MAGI1: variants seen among roughly 807,000 people sequenced by gnomAD.
MAGI1 encodes membrane-associated guanylate kinase, WW and PDZ domain-containing protein 1.
MAGI1 carries 58 observed loss-of-function variants against 139.9 expected under a neutral mutation model. That is an observed-to-expected ratio of 0.41 (90% confidence interval 0.34 to 0.52). The LOEUF (loss-of-function observed/expected upper bound fraction) is 0.52. Ranked by LOEUF, MAGI1 falls within the 20% of genes least tolerant of loss-of-function variation. The pLI, the probability that MAGI1 is intolerant of heterozygous loss-of-function variation, is 0.12. For synonymous variants in MAGI1, 812 were observed against 737.9 expected (o/e 1.10, Z -1.63); for missense variants, 1,874 against 1,901.6 (o/e 0.99, Z 0.27).
chr3:65,824,985 A>T (rs1461024494), intron 1 of MAGI1, among the ~76,000 whole-genome samples: 2 of 152,214 alleles, frequency 1.3e-5, no homozygotes, highest in African/African-American at 4.8e-5. Flanking sequence ...GCCCCCAATG[A>T]GCAAACACAC....
intron 15 of MAGI1, among the ~76,000 whole-genome samples, chr3:65,383,111 C>A (rs188369639): frequency 4.8e-4 from 73 of 152,278 alleles, no homozygotes; most frequent in African/African-American, 1.7e-3. Flanking sequence ...ATTCTCCAAT[C>A]ACTGTCTCAT....
intron 14 of MAGI1, 42 bp from the exon 15 acceptor site, chr3:65,383,665 T>C: frequency 8.4e-7 from 1 of 1,196,326 alleles, no homozygotes; most frequent in Non-Finnish European, 1.3e-6. Flanking sequence ...ATTTTACTGA[T>C]AAAAGCAATG....
chr3:65,707,872 T>C (rs2030651660), intron 1 of MAGI1, among the ~76,000 whole-genome samples: 2 of 152,066 alleles, frequency 1.3e-5, no homozygotes, highest in Admixed American at 6.5e-5. Context: ...GCCAATAAAA[T>C]TAGGAGGTCG....
chr3:65,378,479 T>C (rs950986049), intron 17 of MAGI1, among the ~76,000 whole-genome samples: 2 of 152,154 alleles, frequency 1.3e-5, no homozygotes, highest in Non-Finnish European at 2.9e-5. Context: ...TTTTACTCCT[T>C]ACACCTCTGT....
chr3:65,936,901 A>AGTTGTT (rs149793328), intron 1 of MAGI1, among the ~76,000 whole-genome samples: 1 of 128,886 alleles, frequency 7.8e-6, no homozygotes, highest in Non-Finnish European at 1.7e-5. Context: ...TCAGGTTCAA[A>AGTTGTT]GTTGTTGTTG....
intron 1 of MAGI1, among the ~76,000 whole-genome samples, chr3:65,646,904 A>C (rs1207514319): frequency 1.3e-5 from 2 of 152,138 alleles, no homozygotes; most frequent in African/African-American, 2.4e-5. Context: ...TGCTAAAGGG[A>C]AAATTTACAG....
At position 65,898,464 on chromosome 3, in the gene MAGI1, G is replaced by A. The variant is rs192083669; in HGVS notation, c.313+139532C>T. Among the ~76,000 whole-genome samples, 7 of 152,170 alleles carry A rather than the reference G, an allele frequency of 4.6e-5. No individual in the cohort carries two copies. The East Asian group carries it at 7.7e-4, about 17-fold the overall frequency. On this transcript the variant is annotated intron_variant, in intron 1 of 22. Coordinates refer to ENST00000402939, the MANE Select transcript of MAGI1 (RefSeq NM_001033057.2). ...TTCATTTGTATGTGTACATATGTAC[G>A]TGTAAAAAAATTATATACACAAATA...
intron 2 of MAGI1, among the ~76,000 whole-genome samples, chr3:65,530,623 T>TGTGGTGTGTGTGTGTG (rs1559641865): frequency 2.0e-4 from 8 of 39,712 alleles, no homozygotes; most frequent in African/African-American, 7.5e-4. Context: ...TATGTGTGTG[T>TGTGGTGTGTGTGTGTG]GGTGTGTGTG....
intron 1 of MAGI1, among the ~76,000 whole-genome samples, chr3:65,852,339 G>C (rs2059233339): frequency 6.6e-6 from 1 of 151,962 alleles, no homozygotes; most frequent in Non-Finnish European, 1.5e-5. Context: ...GAAGAGGAGG[G>C]TAGTGAGCAA....
chr3:65,810,884 A>G (rs1337357448), intron 1 of MAGI1, among the ~76,000 whole-genome samples: 4 of 152,304 alleles, frequency 2.6e-5, no homozygotes, highest in Middle Eastern at 3.4e-3. Context: ...ATGAGATTAC[A>G]TATTTCAGGA....
intron 2 of MAGI1, among the ~76,000 whole-genome samples, chr3:65,552,623 CTTT>C (rs1289669114): frequency 6.6e-6 from 1 of 152,120 alleles, no homozygotes; most frequent in Non-Finnish European, 1.5e-5. Flanking sequence ...TGTCACCATT[CTTT>C]TGTCTGTCTC....
At chr3:65,577,427 T>C (rs759592646) in intron 2 of MAGI1, among the ~76,000 whole-genome samples, 141 of 152,116 alleles carry the variant, frequency 9.3e-4, no homozygotes, top group Non-Finnish European at 1.7e-3. Context: ...ACGGCTCCTA[T>C]CTTCACTTAA....
chr3:65,736,933 A>G (rs1445582871), intron 1 of MAGI1, among the ~76,000 whole-genome samples: 2 of 152,228 alleles, frequency 1.3e-5, no homozygotes, highest in African/African-American at 4.8e-5. Context: ...CTTCATTCCT[A>G]GAATACCACA....
rs115549111 is a variant in MAGI1, at chr3:65,689,322, G to C, written c.314-67234C>G. On this transcript the variant is annotated intron_variant, in intron 1 of 22. Coordinates refer to ENST00000402939, the MANE Select transcript of MAGI1 (RefSeq NM_001033057.2). ...GATTTTCCCAGGATACAATAAAACAGACCTGAGTTCCATGTTCCTAACTGC... is the reference window on the plus strand; with the variant it reads ...GATTTTCCCAGGATACAATAAAACACACCTGAGTTCCATGTTCCTAACTGC... 5.9e-3 allele frequency among the ~76,000 whole-genome samples: 902 copies of C among 152,284 alleles called. 5 individuals are homozygous for C. Among genetic ancestry groups the C allele is most frequent in the African/African-American group, 0.02 (843 of 41,566 alleles).
intron 2 of MAGI1, among the ~76,000 whole-genome samples, chr3:65,569,396 C>G (rs1348765698): frequency 6.6e-6 from 1 of 152,038 alleles, no homozygotes; most frequent in African/African-American, 2.4e-5. Context: ...TTTAATGTGA[C>G]TGAAATATGC....
At chr3:65,370,279 A>T (rs1013303900) in intron 18 of MAGI1, among the ~76,000 whole-genome samples, 2 of 152,146 alleles carry the variant, frequency 1.3e-5, no homozygotes, top group African/African-American at 4.8e-5. Context: ...AAAAAAAAAA[A>T]TTGAGCATCA....
intron 1 of MAGI1, chr3:65,874,113 C>T (rs967004268): frequency 6.6e-6 from 1 of 152,504 alleles, no homozygotes; most frequent in African/African-American, 2.4e-5. Flanking sequence ...CAGCAAGACC[C>T]CATCTCTACA....
intron 1 of MAGI1, among the ~76,000 whole-genome samples, chr3:65,885,271 T>C (rs566275071): frequency 6.6e-6 from 1 of 151,682 alleles, no homozygotes; most frequent in African/African-American, 2.4e-5. Flanking sequence ...GTGGTGCGCA[T>C]CTGTAATCCC....
chr3:65,501,017 G>A (rs945171520), intron 2 of MAGI1, among the ~76,000 whole-genome samples: 8 of 152,182 alleles, frequency 5.3e-5, no homozygotes, highest in Admixed American at 2.6e-4. Flanking sequence ...ACAGTAGAAT[G>A]TATTAGTCCT....
Sources: allele counts gnomAD v4.1 joint callset (sites outside exome capture counted in the v4.1 genomes callset), GRCh38; gene constraint gnomAD v4.1.1; transcripts MANE v1.5; gene names NCBI Gene and HGNC (gene_info 2026-07-23, HGNC 2026-07-21).